The following WIPI1 variants were observed in gnomAD, a reference collection of about 807,000 sequenced individuals.
The protein encoded by WIPI1 is WD repeat domain phosphoinositide-interacting protein 1.
A neutral mutation model predicts 55.3 loss-of-function variants in WIPI1; 45 were observed. The ratio of observed to expected loss-of-function variants is 0.81; its 90% CI spans 0.64 to 1.04. The LOEUF is 1.04. Ranked by LOEUF, WIPI1 falls within the 50% of genes least tolerant of loss-of-function variation. The pLI is 0.00. For synonymous variants in WIPI1, 195 were observed against 217.6 expected (o/e 0.90, Z 0.92); for missense variants, 445 against 559.0 (o/e 0.80, Z 2.06).
chr17:68,437,447 C>T (rs1019926035), intron 4 of WIPI1, among the ~76,000 whole-genome samples: 15 of 150,952 alleles, frequency 9.9e-5, no homozygotes, highest in African/African-American at 3.4e-4. Context: ...CCCAGCTACT[C>T]GGGAGGCTGA....
Position 68,421,698 on chromosome 17 carries a change from A to T in WIPI1, c.*75T>A, listed in dbSNP as rs2082785527. 1 of 1,606,870 alleles carries T rather than the reference A, an allele frequency of 6.2e-7. No individual in the cohort carries two copies. Among genetic ancestry groups the T allele is most frequent in the Non-Finnish European group, 8.5e-7 (1 of 1,173,712 alleles). ...CTTTCTGCTCACACAATTGCACTCCATTCTTCCGCCTTCCTTGTTTTCTCC... is the reference window on the plus strand; with the variant it reads ...CTTTCTGCTCACACAATTGCACTCCTTTCTTCCGCCTTCCTTGTTTTCTCC... On this transcript the variant is annotated 3_prime_UTR_variant, in exon 13 of 13. Coordinates refer to ENST00000262139, the MANE Select transcript of WIPI1 (RefSeq NM_017983.7).
Position 68,426,184 on chromosome 17 carries a change from C to A in WIPI1, c.1193-9G>T. The stretch of plus-strand genomic sequence containing the variant: ...GCCGTCCTCAGAATAACCTGGAAAC[C>A]AAGAAAGAGACATGAAACAAGCACT... On this transcript the variant is annotated splice_polypyrimidine_tract_variant and intron_variant, in intron 11 of 12. Coordinates refer to ENST00000262139, the MANE Select transcript of WIPI1 (RefSeq NM_017983.7). The A allele has an allele frequency of 6.3e-7, 1 of 1,576,752 alleles. No homozygotes were observed. The highest frequency in any genetic ancestry group is 8.6e-7 in the Non-Finnish European group (1 of 1,162,494).
At chr17:68,442,834 C>A (rs766819339) in intron 4 of WIPI1, among the ~76,000 whole-genome samples, 17 of 151,962 alleles carry the variant, frequency 1.1e-4, no homozygotes, top group Non-Finnish European at 1.8e-4. Flanking sequence ...CAGACCACCT[C>A]AGACAGACTG....
intron 12 of WIPI1, chr17:68,425,799 C>T (rs1027891590): frequency 1.6e-5 from 6 of 364,590 alleles, no homozygotes; most frequent in Middle Eastern, 7.7e-4. Flanking sequence ...AGTAAGGGAT[C>T]GCAGGCCTCT....
chr17:68,447,629 G>C (rs942556614), intron 3 of WIPI1, among the ~76,000 whole-genome samples: 1 of 152,094 alleles, frequency 6.6e-6, no homozygotes, highest in Non-Finnish European at 1.5e-5. Flanking sequence ...GGGCTCAAGC[G>C]ATCCTCCTGC....
intron 4 of WIPI1, among the ~76,000 whole-genome samples, 188 bp from the exon 5 acceptor site, chr17:68,436,667 G>A (rs1409501278): frequency 3.3e-5 from 5 of 152,138 alleles, no homozygotes; most frequent in Non-Finnish European, 7.3e-5. Context: ...CTTCACAGGG[G>A]AAGACCTCCT....
chr17:68,433,653 T>C, intron 7 of WIPI1, 78 bp from the exon 8 acceptor site: 1 of 1,210,724 alleles, frequency 8.3e-7, no homozygotes, highest in Non-Finnish European at 1.2e-6. Context: ...ATCAGCTTTA[T>C]AAGAAAATCA....
chr17:68,436,597 G>T, intron 4 of WIPI1, 118 bp from the exon 5 acceptor site: 1 of 870,550 alleles, frequency 1.1e-6, no homozygotes, highest in Non-Finnish European at 1.8e-6. Context: ...GGGAGGAATG[G>T]CTTTGCAGAC....
intron 8 of WIPI1, 76 bp from the exon 9 acceptor site, chr17:68,430,236 C>T (rs1274042820): frequency 7.6e-6 from 11 of 1,449,942 alleles, no homozygotes; most frequent in South Asian, 5.3e-5. Context: ...CACACCCAAG[C>T]GTCATTAGCC....
chr17:68,436,491 G>A lies in WIPI1; in HGVS notation c.431-12C>T. ...GAGAGCACATAGACCTGGCAAAGAA[G>A]AAACAGAACATGAGAAGCCTGGGGC... is the stretch of plus-strand genomic sequence containing the variant. On this transcript the variant is annotated splice_polypyrimidine_tract_variant and intron_variant, in intron 4 of 12. Transcript: ENST00000262139. The A allele has an allele frequency of 6.2e-7, 1 of 1,612,350 alleles. No individual in the cohort carries two copies.
intron 8 of WIPI1, 61 bp downstream of exon 8, chr17:68,433,407 G>T: frequency 7.0e-7 from 1 of 1,425,090 alleles, no homozygotes; most frequent in Non-Finnish European, 9.9e-7. Flanking sequence ...CATGCCAGTA[G>T]AAGAGCCTAG....
Position 68,436,542 on chromosome 17 carries a change from A to G in WIPI1, c.431-63T>C, listed in dbSNP as rs940109984. The G allele has an allele frequency of 1.3e-5, 19 of 1,507,824 alleles. No homozygotes were observed. The African/African-American group carries it at 2.2e-4, about 17-fold the overall frequency. The allele number at this position is 1,507,824 out of a possible 1,614,324, so 93.4% of individuals were successfully genotyped here. ...CAAGGGAGAGATTGCACGGCTGGAG[A>G]GGGCATCTGAAAACAGTACAGCTAC... On this transcript the variant is annotated intron_variant, in intron 4 of 12. Coordinates refer to ENST00000262139, the MANE Select transcript of WIPI1 (RefSeq NM_017983.7).
chr17:68,435,417 G>A (rs1405913651), intron 6 of WIPI1, among the ~76,000 whole-genome samples: 2 of 152,150 alleles, frequency 1.3e-5, no homozygotes, highest in Non-Finnish European at 1.5e-5. Flanking sequence ...CTTGCATATT[G>A]CAGGCCCCTG....
rs1261433729 is a variant in WIPI1, at chr17:68,457,466, C to A, written c.-45G>T. On this transcript the variant is annotated 5_prime_UTR_variant, in exon 1 of 13. Transcript: ENST00000262139. ...GCCGCAGCTCGGAGCCGGCGACAGCCACCTCAGCAGCCCGCCCGCGCCGGC... is the reference window on the plus strand; with the variant it reads ...GCCGCAGCTCGGAGCCGGCGACAGCAACCTCAGCAGCCCGCCCGCGCCGGC... 1 of 1,412,976 alleles carries A rather than the reference C, an allele frequency of 7.1e-7. No individual in the cohort carries two copies. The highest frequency in any genetic ancestry group is 9.2e-7 in the Non-Finnish European group (1 of 1,083,142). 87.5% of individuals were successfully genotyped at this position (1,412,976 alleles called of 1,614,324 possible).
intron 4 of WIPI1, among the ~76,000 whole-genome samples, chr17:68,437,577 C>CA (rs1348569525): frequency 1.3e-5 from 2 of 151,396 alleles, no homozygotes; most frequent in Non-Finnish European, 2.9e-5. Flanking sequence ...AGAAACCGAG[C>CA]AATTTCTGAG....
intron 4 of WIPI1, among the ~76,000 whole-genome samples, chr17:68,437,003 A>ATATATATATATATATAT (rs1454926862): frequency 3.3e-5 from 2 of 60,334 alleles, no homozygotes; most frequent in Admixed American, 1.9e-4. Flanking sequence ...CAAAAAAAAA[A>ATATATATATATATATAT]AAATATATAT....
intron 3 of WIPI1, among the ~76,000 whole-genome samples, chr17:68,448,591 C>G (rs991823301): frequency 6.6e-6 from 1 of 152,044 alleles, no homozygotes; most frequent in Non-Finnish European, 1.5e-5. Flanking sequence ...CTTCCTTGTC[C>G]CATTTGCTAA....
intron 3 of WIPI1, 33 bp downstream of exon 3, chr17:68,450,695 A>G (rs554912471): frequency 6.3e-7 from 1 of 1,574,954 alleles, no homozygotes; most frequent in Admixed American, 1.9e-5. Flanking sequence ...CGTTAGCAGA[A>G]GCTTTGAAAC....
intron 8 of WIPI1, among the ~76,000 whole-genome samples, chr17:68,431,885 G>A (rs988745197): frequency 8.0e-6 from 1 of 125,690 alleles, no homozygotes; most frequent in African/African-American, 3.0e-5. Context: ...AATCCCCAGT[G>A]GAGGCGGGGC....
Sources: gnomAD v4.1 joint callset for allele counts (sites outside exome capture counted in the v4.1 genomes callset) on GRCh38, gnomAD v4.1.1 for gene constraint, MANE v1.5 for transcripts, NCBI Gene and HGNC (gene_info 2026-07-23, HGNC 2026-07-21) for gene names.